JUP: variants seen among roughly 807,000 people sequenced by gnomAD.
JUP encodes junction plakoglobin, also known as catenin (cadherin-associated protein), gamma 80kDa.
JUP carries 28 observed loss-of-function variants against 71.1 expected under a neutral mutation model. The observed-to-expected ratio is 0.39, with a 90% CI of 0.29 to 0.54. JUP has a LOEUF of 0.54. JUP is among the 20% of genes least tolerant of loss of function. The pLI, the probability that JUP is intolerant of heterozygous loss-of-function variation, is 0.62. For synonymous variants in JUP, 401 were observed against 438.9 expected (o/e 0.91, Z 1.08); for missense variants, 869 against 1,030.1 (o/e 0.84, Z 2.14).
intron 1 of JUP, among the ~76,000 whole-genome samples, chr17:41,776,430 A>G (rs2046887654): frequency 6.6e-6 from 1 of 152,254 alleles, no homozygotes; most frequent in Non-Finnish European, 1.5e-5. Flanking sequence ...GAGGAGGCGG[A>G]AGCCAGCTGG....
chr17:41,761,683 G>C (rs1334085124), intron 8 of JUP, among the ~76,000 whole-genome samples: 1 of 151,334 alleles, frequency 6.6e-6, no homozygotes, highest in African/African-American at 2.4e-5. Context: ...AACCCGGGAG[G>C]CGGAGGTTGC....
chr17:41,763,120 G>A lies in JUP; in HGVS notation c.1360C>T (p.Pro454Ser), dbSNP rs781962314. 1.2e-6 allele frequency: 2 copies of A among 1,614,216 alleles called. No homozygotes were observed. The highest frequency in any genetic ancestry group is 4.5e-5 in the East Asian group (2 of 44,870). The change falls in exon 8 of 14, where the codon CCT becomes TCT. Residue 454 changes from proline (P) to serine (S), a missense_variant. Physicochemically the swap from Pro to Ser is moderately conservative, Grantham distance 74 (BLOSUM62 -1). Transcript: ENST00000393931. ...AGGTGGCGCAGAGCGCAGACGGCAG[G>A]CTCCGTGATGTCGTCCTTGTCACCA... is the stretch of plus-strand genomic sequence containing the variant. ...RAGDKDDITE[P>S]AVCALRHLTS...
At chr17:41,784,224 T>A (rs1207760859) in intron 1 of JUP, among the ~76,000 whole-genome samples, 1 of 151,930 alleles carries the variant, frequency 6.6e-6, no homozygotes, top group Non-Finnish European at 1.5e-5. Context: ...CCTTTTTCGT[T>A]CCTATGCACT....
intron 1 of JUP, among the ~76,000 whole-genome samples, chr17:41,778,407 A>C (rs565994046): frequency 9.2e-5 from 14 of 152,222 alleles, no homozygotes; most frequent in African/African-American, 3.4e-4. Context: ...CTCTACAAAA[A>C]AATGCAAAAA....
chr17:41,783,990 A>G (rs2047320229), intron 1 of JUP, among the ~76,000 whole-genome samples: 1 of 151,530 alleles, frequency 6.6e-6, no homozygotes, highest in African/African-American at 2.4e-5. Flanking sequence ...CTGGGTAGAT[A>G]GGTATTAGTA....
Position 41,772,411 on chromosome 17 carries a change from T to G in JUP, c.-8-549A>C, listed in dbSNP as rs1597837460. The G allele has an allele frequency of 1.4e-5, 3 of 221,214 alleles. No homozygotes were observed. In the East Asian group the frequency reaches 3.2e-4, roughly 24 times the overall value. 13.7% of individuals were successfully genotyped at this position (221,214 alleles called of 1,614,324 possible). A position where few individuals can be genotyped will look rare whatever the true frequency, so the allele number is the denominator to read the frequency against. On this transcript the variant is annotated intron_variant, in intron 1 of 13. Coordinates refer to ENST00000393931, the MANE Select transcript of JUP (RefSeq NM_002230.4). ...CCAGGCTCCCTCAGAGACTCCAGGA[T>G]CTGGCTTTCCTACAGGTTGGGCAGG...
chr17:41,758,817 C>T lies in JUP; in HGVS notation c.1551G>A (p.Pro517=), dbSNP rs988891105. Reference sequence around the variant, plus strand: ...GGGGGATGACCGCTGCCTCCTGCAGCGGGGCATGGTTGGCTGGGCACAGGG... The same window carrying T: ...GGGGGATGACCGCTGCCTCCTGCAGTGGGGCATGGTTGGCTGGGCACAGGG... ...NLALCPANHA[P]LQEAAVIPRL... Residue 517 remains proline (P), a synonymous_variant, in exon 9 of 14, where the codon CCG becomes CCA. Coordinates refer to ENST00000393931, the MANE Select transcript of JUP (RefSeq NM_002230.4). 159 of 1,610,710 alleles carry T rather than the reference C, an allele frequency of 9.9e-5. No individual in the cohort carries two copies. Among genetic ancestry groups the T allele is most frequent in the Non-Finnish European group, 1.3e-4 (158 of 1,178,100 alleles).
Position 41,770,270 on chromosome 17 carries a change from G to A in JUP, c.209-593C>T, listed in dbSNP as rs146024630. ...AGATCAGAGGGAAAGTCAGGGCTGT[G>A]GGTTCAGAGAGCAGGAGCTGGGTCC... On this transcript the variant is annotated intron_variant, in intron 2 of 13. Transcript: ENST00000393931. 1.2e-3 allele frequency among the ~76,000 whole-genome samples: 187 copies of A among 152,252 alleles called. 1 individual carries two copies. The highest frequency in any genetic ancestry group is 4.3e-3 in the African/African-American group (178 of 41,546).
chr17:41,755,942 T>G, intron 13 of JUP, 47 bp from the exon 14 acceptor site: 1 of 1,579,824 alleles, frequency 6.3e-7, no homozygotes, highest in Non-Finnish European at 8.6e-7. Flanking sequence ...CAAGCTACCC[T>G]GCAGGGAGCA....
intron 5 of JUP, 77 bp from the exon 6 acceptor site, chr17:41,765,144 A>G (rs1915508454): frequency 7.2e-6 from 10 of 1,385,240 alleles, no homozygotes; most frequent in Non-Finnish European, 1.0e-5. Context: ...CAGGAGACAG[A>G]ACTGTCATTA....
rs1555604637 is a variant in JUP at position 41,767,598 on chromosome 17, GGTTA to G, written c.708-22_708-19del. On this transcript the variant is annotated intron_variant, in intron 4 of 13. Transcript: ENST00000393931. ...CAGGGGAGCTGGGGGGGTGGGCAGG[GGTTA>G]GTACGCTGAGGTCCCAGAGGCCTGG... 6.3e-7 allele frequency: 1 copy of G among 1,592,420 alleles called. No homozygotes were observed. The highest frequency in any genetic ancestry group is 8.6e-7 in the Non-Finnish European group (1 of 1,165,246).
intron 1 of JUP, among the ~76,000 whole-genome samples, chr17:41,774,246 G>A (rs1021788236): frequency 4.2e-5 from 6 of 144,068 alleles, no homozygotes; most frequent in African/African-American, 1.5e-4. Context: ...GGGTGGGGGG[G>A]TGGACGCCCA....
At chr17:41,782,502 C>T (rs547492947) in intron 1 of JUP, among the ~76,000 whole-genome samples, 10 of 152,326 alleles carry the variant, frequency 6.6e-5, no homozygotes, top group Non-Finnish European at 1.5e-4. Context: ...CCACTTCCTA[C>T]ACATGAACAA....
At chr17:41,775,267 C>T (rs782635256) in intron 1 of JUP, among the ~76,000 whole-genome samples, 16 of 152,072 alleles carry the variant, frequency 1.1e-4, no homozygotes, top group African/African-American at 1.9e-4. Context: ...GGGTGGGCAA[C>T]GTCAGAGTTG....
intron 2 of JUP, among the ~76,000 whole-genome samples, chr17:41,771,215 A>G (rs969549026): frequency 5.9e-5 from 9 of 152,120 alleles, no homozygotes; most frequent in Non-Finnish European, 1.3e-4. Flanking sequence ...TATTTTTAGT[A>G]GAGACGGGGT....
intron 12 of JUP, among the ~76,000 whole-genome samples, chr17:41,756,600 G>A (rs1391604038): frequency 2.9e-5 from 4 of 139,506 alleles, no homozygotes; most frequent in Middle Eastern, 0.011. Context: ...ACTCTGTCTC[G>A]AAAAAAATAA....
intron 2 of JUP, 74 bp from the exon 3 acceptor site, chr17:41,769,751 GACAGCCCC>G: frequency 1.3e-6 from 2 of 1,534,842 alleles, no homozygotes; most frequent in Non-Finnish European, 1.8e-6. Flanking sequence ...GCAGGCCACA[GACAGCCCC>G]ACCTGGGTCC....
Position 41,755,573 on chromosome 17 carries a change from C to A in JUP, c.*171G>T, listed in dbSNP as rs1913560858. 1.7e-6 allele frequency: 1 copy of A among 592,186 alleles called. No individual in the cohort carries two copies. Among genetic ancestry groups the A allele is most frequent in the African/African-American group, 1.9e-5 (1 of 53,240 alleles). The allele number at this position is 592,186 out of a possible 1,614,324, so 36.7% of individuals were successfully genotyped here. A position where few individuals can be genotyped will look rare whatever the true frequency, so the allele number is the denominator to read the frequency against. On this transcript the variant is annotated 3_prime_UTR_variant, in exon 14 of 14. Transcript: ENST00000393931. ...GGCCTCCCCATCCCCACCAAAGACA[C>A]AAGAAGAAGGCAGGCCAGGGCACAC...
chr17:41,779,581 G>A (rs1555609805), intron 1 of JUP, among the ~76,000 whole-genome samples: 1 of 152,042 alleles, frequency 6.6e-6, no homozygotes, highest in Non-Finnish European at 1.5e-5. Flanking sequence ...GCCCGCCTCG[G>A]CCTCCCAAAG....
Sources: allele counts gnomAD v4.1 joint callset (sites outside exome capture counted in the v4.1 genomes callset), GRCh38; gene constraint gnomAD v4.1.1; transcripts MANE v1.5; gene names NCBI Gene and HGNC (gene_info 2026-07-23, HGNC 2026-07-21).